SCNN1B: variants seen among roughly 807,000 people sequenced by gnomAD.
The protein encoded by SCNN1B is sodium channel epithelial 1 subunit beta.
Under a neutral mutation model 65.3 loss-of-function variants are expected in SCNN1B, and 46 were observed. The observed-to-expected ratio is 0.70, with a 90% CI of 0.56 to 0.90. The LOEUF (loss-of-function observed/expected upper bound fraction) is 0.90. Ranked by LOEUF, SCNN1B falls within the 40% of genes least tolerant of loss-of-function variation. SCNN1B has a pLI of 0.00. For missense variants in SCNN1B, 751 were observed against 830.5 expected, an observed-to-expected ratio of 0.90 and a Z score of 1.18; for synonymous variants, 349 against 330.6, an observed-to-expected ratio of 1.06 and a Z score of -0.60.
At chr16:23,343,563 AAAAGAAAGAAAGAAAAAGAGAAAGAAAG>A (rs1962106395) in intron 1 of SCNN1B, among the ~76,000 whole-genome samples, 1 of 144,586 alleles carries the variant, frequency 6.9e-6, no homozygotes, top group African/African-American at 2.6e-5. Flanking sequence ...AAGGAAGGAA[AAAAGAAAGAAAGAAAAAGAGAAAGAAAG>A]AAAGAAAGAA....
intron 1 of SCNN1B, among the ~76,000 whole-genome samples, chr16:23,323,272 T>C (rs576165889): frequency 6.6e-6 from 1 of 150,606 alleles, no homozygotes; most frequent in South Asian, 2.1e-4. Flanking sequence ...TTGGAGGAGG[T>C]GGCACTGGAG....
At chr16:23,305,534 T>TTATATA (rs56338840) in intron 1 of SCNN1B, among the ~76,000 whole-genome samples, 24 of 7,360 alleles carry the variant, frequency 3.3e-3, no homozygotes, top group Non-Finnish European at 5.5e-3. Context: ...AATATATATA[T>TTATATA]TATATATATA....
chr16:23,299,685 G>C (rs996718867), upstream of SCNN1B, among the ~76,000 whole-genome samples: 2 of 152,170 alleles, frequency 1.3e-5, no homozygotes, highest in Admixed American at 1.3e-4. Context: ...AAAAAGTCAG[G>C]AAACAACAGA....
intron 2 of SCNN1B, among the ~76,000 whole-genome samples, chr16:23,349,131 C>T (rs1407799716): frequency 6.7e-6 from 1 of 149,720 alleles, no homozygotes; most frequent in Non-Finnish European, 1.5e-5. Flanking sequence ...CTTTCTCTTT[C>T]TCCTCCTCTC....
At chr16:23,353,517 A>G (rs1490054405) in intron 3 of SCNN1B, among the ~76,000 whole-genome samples, 1 of 152,192 alleles carries the variant, frequency 6.6e-6, no homozygotes, top group Non-Finnish European at 1.5e-5. Flanking sequence ...CTTTCCCTAT[A>G]GTCCCAGCAA....
intron 2 of SCNN1B, among the ~76,000 whole-genome samples, chr16:23,286,501 T>C (rs1191380293): frequency 2.0e-5 from 3 of 152,234 alleles, no homozygotes; most frequent in Admixed American, 1.3e-4. Context: ...GCCTTTCATT[T>C]TGAGCTTTCT....
At chr16:23,355,255 G>C (rs1252012226) in intron 3 of SCNN1B, 44 bp from the exon 4 acceptor site, 2 of 1,600,070 alleles carry the variant, frequency 1.2e-6, no homozygotes, top group Admixed American at 1.7e-5. Flanking sequence ...GGTCCTGCTA[G>C]CAGCTCCCAC....
chr16:23,365,421 GAA>G (rs1458604830), intron 4 of SCNN1B, among the ~76,000 whole-genome samples: 1 of 138,008 alleles, frequency 7.2e-6, no homozygotes, highest in Non-Finnish European at 1.5e-5. Flanking sequence ...GAAAGAAAGA[GAA>G]AGAAAGGAAG....
chr16:23,345,861 G>A (rs1243302601), intron 1 of SCNN1B, among the ~76,000 whole-genome samples: 1 of 152,214 alleles, frequency 6.6e-6, no homozygotes, highest in Non-Finnish European at 1.5e-5. Context: ...CCAGCCTGAA[G>A]TCAGGAGAGC....
intron 1 of SCNN1B, chr16:23,323,439 T>C: frequency 1.5e-6 from 1 of 659,172 alleles, no homozygotes; most frequent in Non-Finnish European, 2.7e-6. Context: ...ATAAGAAGCC[T>C]CTCATAGGCA....
chr16:23,350,532 T>A (rs8044984), intron 2 of SCNN1B, among the ~76,000 whole-genome samples: 3 of 152,072 alleles, frequency 2.0e-5, no homozygotes, highest in African/African-American at 7.2e-5. Context: ...GCCCCCAGTC[T>A]TGGATACAGC....
At chr16:23,331,958 CTTGT>C (rs551211178) in intron 1 of SCNN1B, among the ~76,000 whole-genome samples, 424 of 151,974 alleles carry the variant, frequency 2.8e-3, no homozygotes, top group African/African-American at 9.8e-3. Context: ...TGGGTTTTTG[CTTGT>C]TTGTTTGTTT....
chr16:23,348,033 C>G lies in SCNN1B; in HGVS notation c.-8-559C>G, dbSNP rs1009839106. Among the ~76,000 whole-genome samples, 2 of 152,232 alleles carry G rather than the reference C, an allele frequency of 1.3e-5. No homozygotes were observed. The highest frequency in any genetic ancestry group is 1.3e-4 in the Admixed American group (2 of 15,292). ...AGCTGAGGCCACAGGCGGGAACCCA[C>G]CCTACACAGGACACATTCCATTGCA... is the stretch of plus-strand genomic sequence containing the variant. On this transcript the variant is annotated intron_variant, in intron 1 of 12. Transcript: ENST00000343070. This position sits in a 1 kb window ranked among gnomAD's most constrained non-coding sequence, Gnocchi z 4.5.
At chr16:23,304,155 A>G (rs2141978416) in intron 1 of SCNN1B, 4 of 1,388,278 alleles carry the variant, frequency 2.9e-6, no homozygotes, top group South Asian at 1.2e-5. Context: ...GTTAAGTTCA[A>G]TTTATTTTTC....
intron 1 of SCNN1B, among the ~76,000 whole-genome samples, chr16:23,306,593 G>A (rs1019442392): frequency 1.4e-4 from 21 of 152,180 alleles, no homozygotes; most frequent in Admixed American, 1.2e-3. Flanking sequence ...GTAAGACGCT[G>A]CAATACCTTT....
At position 23,371,536 on chromosome 16, in the gene SCNN1B, T is replaced by C. The variant is rs1284467229; in HGVS notation, c.1044+74T>C. 2.0e-6 allele frequency: 3 copies of C among 1,478,128 alleles called. No individual in the cohort carries two copies. In the Admixed American group the frequency reaches 5.3e-5, roughly 26 times the overall value. The allele number at this position is 1,478,128 out of a possible 1,614,324, so 91.6% of individuals were successfully genotyped here. ...CCACCTGTCCAGGGCCAACTGCCCT[T>C]GGCCTGGGAGGAGGGGATCTGGGCC... On this transcript the variant is annotated intron_variant, in intron 6 of 12. Transcript: ENST00000343070.
At chr16:23,343,288 A>G (rs1325015639) in intron 1 of SCNN1B, among the ~76,000 whole-genome samples, 1 of 151,730 alleles carries the variant, frequency 6.6e-6, no homozygotes, top group African/African-American at 2.4e-5. Context: ...CCCCGTCACT[A>G]TTAATAATAC....
chr16:23,306,438 A>G (rs1417297741), intron 1 of SCNN1B, among the ~76,000 whole-genome samples: 1 of 152,176 alleles, frequency 6.6e-6, no homozygotes, highest in Non-Finnish European at 1.5e-5. Context: ...GCTGATGCTG[A>G]TGCTGATAAT....
chr16:23,320,417 GC>G (rs1311817204), intron 1 of SCNN1B, among the ~76,000 whole-genome samples: 1 of 152,174 alleles, frequency 6.6e-6, no homozygotes, highest in African/African-American at 2.4e-5. Flanking sequence ...GGGTTGGGGG[GC>G]CCCGCAGTCC....
Sources: gnomAD v4.1 joint callset for allele counts (sites outside exome capture counted in the v4.1 genomes callset) on GRCh38, gnomAD v4.1.1 for gene constraint, Gnocchi (gnomAD v3.1) non-coding constraint, MANE v1.5 for transcripts, NCBI Gene and HGNC (gene_info 2026-07-23, HGNC 2026-07-21) for gene names.